PDE11A: variants seen among roughly 807,000 people sequenced by gnomAD.
PDE11A encodes dual 3',5'-cyclic-AMP and -GMP phosphodiesterase 11A.
Under a neutral mutation model 100.5 loss-of-function variants are expected in PDE11A, and 100 were observed. The ratio of observed to expected loss-of-function variants is 1.00; its 90% CI spans 0.85 to 1.18. PDE11A has a LOEUF of 1.18. PDE11A is among the 50% of genes most tolerant of loss of function. The probability of loss-of-function intolerance (pLI) is 0.00; values close to 1 mark genes in which losing one functional copy is unlikely to be tolerated. For synonymous variants in PDE11A, 381 were observed against 420.8 expected (o/e 0.91, Z 1.16); for missense variants, 1,141 against 1,152.6 (o/e 0.99, Z 0.15).
intron 5 of PDE11A, among the ~76,000 whole-genome samples, chr2:177,863,685 A>G (rs1370064053): frequency 6.8e-6 from 1 of 147,920 alleles, no homozygotes; most frequent in Non-Finnish European, 1.5e-5. Context: ...AAAAGTCAAA[A>G]GATGACAAAT....
chr2:177,792,359 T>C (rs1258249796), intron 9 of PDE11A, among the ~76,000 whole-genome samples: 3 of 152,232 alleles, frequency 2.0e-5, no homozygotes, highest in African/African-American at 2.4e-5. Context: ...CTATAACTTA[T>C]ATAACTAGAA....
chr2:177,786,207 C>G (rs887480878), intron 9 of PDE11A, among the ~76,000 whole-genome samples: 11 of 152,214 alleles, frequency 7.2e-5, no homozygotes, highest in Non-Finnish European at 1.3e-4. Flanking sequence ...GAGGAATGAT[C>G]AGACAGCAGC....
chr2:177,689,137 C>A (rs376153125), intron 15 of PDE11A, among the ~76,000 whole-genome samples: 5 of 152,074 alleles, frequency 3.3e-5, no homozygotes, highest in African/African-American at 1.2e-4. Context: ...GGCTGGAGTG[C>A]AATGGCGTGA....
intron 2 of PDE11A, among the ~76,000 whole-genome samples, chr2:177,946,827 G>A (rs1160167430): frequency 2.9e-4 from 29 of 100,998 alleles, no homozygotes; most frequent in Non-Finnish European, 5.1e-4. Context: ...CCGTCCGGGA[G>A]GGAGGTGGGG....
At chr2:177,773,103 C>T (rs1359095059) in intron 9 of PDE11A, among the ~76,000 whole-genome samples, 1 of 152,152 alleles carries the variant, frequency 6.6e-6, no homozygotes, top group Non-Finnish European at 1.5e-5. Context: ...TCACTGCAGC[C>T]TTGACCTCCC....
rs757630424 is a variant in PDE11A, at chr2:177,663,915, G to T, written c.2597C>A (p.Pro866His). 9.3e-6 allele frequency: 15 copies of T among 1,612,502 alleles called. No individual in the cohort carries two copies. The highest frequency in any genetic ancestry group is 1.2e-5 in the Non-Finnish European group (14 of 1,178,672). ...IFDRNRKDEL[P>H]RLQLEWIDSI... Reference sequence around the variant, plus strand: ...ATCAATCCACTCCAGTTGCAACCGAGGCAGTTCATCCTTCCGGTTCCGATC... The same window carrying T: ...ATCAATCCACTCCAGTTGCAACCGATGCAGTTCATCCTTCCGGTTCCGATC... The change falls in exon 19 of 20, where the codon CCT (proline) becomes CAT (histidine). Residue 866 changes from proline (P) to histidine (H), a missense_variant. Physicochemically the swap from Pro to His is moderately conservative, Grantham distance 77. Transcript: ENST00000286063.
intron 2 of PDE11A, among the ~76,000 whole-genome samples, chr2:177,987,976 A>T (rs975867823): frequency 6.6e-6 from 1 of 152,170 alleles, no homozygotes; most frequent in African/African-American, 2.4e-5. Flanking sequence ...GAGACTATAA[A>T]CACAATTTCT....
chr2:177,792,789 T>C (rs950595663), intron 9 of PDE11A, among the ~76,000 whole-genome samples: 3 of 152,232 alleles, frequency 2.0e-5, no homozygotes, highest in African/African-American at 7.2e-5. Context: ...CAGTCTGGGA[T>C]GTACCGATGA....
chr2:177,754,348 T>C lies in PDE11A; in HGVS notation c.1788+14975A>G, dbSNP rs555111391. Among the ~76,000 whole-genome samples the C allele has an allele frequency of 2.0e-4, 30 of 152,066 alleles. 1 individual carries two copies. Among genetic ancestry groups the C allele is most frequent in the African/African-American group, 6.5e-4 (27 of 41,474 alleles). Reference sequence around the variant, plus strand: ...CAGAAAATACTGCAGACAAAAAAAATGCAAAAACAAAAAACAAAAAACAAA... The same window carrying C: ...CAGAAAATACTGCAGACAAAAAAAACGCAAAAACAAAAAACAAAAAACAAA... On this transcript the variant is annotated intron_variant, in intron 10 of 19. Coordinates refer to ENST00000286063, the MANE Select transcript of PDE11A (RefSeq NM_016953.4).
At chr2:177,962,962 A>G (rs1449212035) in intron 2 of PDE11A, among the ~76,000 whole-genome samples, 1 of 152,190 alleles carries the variant, frequency 6.6e-6, no homozygotes, top group Non-Finnish European at 1.5e-5. Flanking sequence ...CCCGAAGATC[A>G]AAGTTTTAAT....
chr2:177,771,771 G>A (rs1343651219), intron 9 of PDE11A, among the ~76,000 whole-genome samples: 1 of 152,188 alleles, frequency 6.6e-6, no homozygotes, highest in African/African-American at 2.4e-5. Context: ...GGGAGGCTGA[G>A]GCGGGCAGAT....
intron 10 of PDE11A, among the ~76,000 whole-genome samples, chr2:177,764,886 A>G (rs896087487): frequency 6.6e-6 from 1 of 152,246 alleles, no homozygotes; most frequent in Non-Finnish European, 1.5e-5. Flanking sequence ...TTAATTCATT[A>G]GTTCCAGGAA....
intron 1 of PDE11A, among the ~76,000 whole-genome samples, chr2:178,017,179 A>C (rs2086349052): frequency 6.6e-6 from 1 of 152,276 alleles, no homozygotes; most frequent in Admixed American, 6.5e-5. Flanking sequence ...AAAAGTTGTT[A>C]AGGCGCTAAG....
chr2:177,911,290 T>C (rs1353100914), intron 2 of PDE11A, among the ~76,000 whole-genome samples: 4 of 152,236 alleles, frequency 2.6e-5, no homozygotes, highest in Non-Finnish European at 4.4e-5. Flanking sequence ...TTTCAGAGCA[T>C]TTTTAGGAAT....
chr2:177,982,955 C>T (rs997159310), intron 2 of PDE11A, among the ~76,000 whole-genome samples: 9 of 150,302 alleles, frequency 6.0e-5, no homozygotes, highest in Non-Finnish European at 8.9e-5. Context: ...TGGCACACAC[C>T]GGTAATCCCA....
intron 2 of PDE11A, chr2:177,997,140 T>C (rs1422679686): frequency 1.0e-6 from 1 of 967,122 alleles, no homozygotes; most frequent in South Asian, 1.4e-5. Context: ...CAATGAGTAG[T>C]AGAATTTAAG....
At chr2:177,686,882 A>T (rs941024270) in intron 15 of PDE11A, 1 of 151,616 alleles carries the variant, frequency 6.6e-6, no homozygotes, top group Non-Finnish European at 1.5e-5. Context: ...TGCTCAGCTA[A>T]TTTTTTTAAT....
intron 5 of PDE11A, among the ~76,000 whole-genome samples, chr2:177,860,906 C>T (rs1486820203): frequency 6.6e-6 from 1 of 151,844 alleles, no homozygotes; most frequent in Middle Eastern, 3.4e-3. Flanking sequence ...ACTTAACAAA[C>T]ATTCAACAAA....
At chr2:177,903,679 C>T (rs988478426) in intron 3 of PDE11A, among the ~76,000 whole-genome samples, 1 of 152,032 alleles carries the variant, frequency 6.6e-6, no homozygotes, top group African/African-American at 2.4e-5. Context: ...GCAGTAGATA[C>T]AAGGCAAAAC....
Sources: gnomAD v4.1 joint callset for allele counts (sites outside exome capture counted in the v4.1 genomes callset) on GRCh38, gnomAD v4.1.1 for gene constraint, MANE v1.5 for transcripts, NCBI Gene and HGNC (gene_info 2026-07-23, HGNC 2026-07-21) for gene names.